The following MLIP variants were observed in gnomAD, a reference collection of about 807,000 sequenced individuals.
MLIP encodes the protein muscular LMNA interacting protein, also known as muscular LMNA-interacting protein.
In MLIP, 79 loss-of-function variants were observed where a neutral mutation model predicts 84.8. The observed-to-expected ratio is 0.93, with a 90% CI of 0.78 to 1.12. The LOEUF (loss-of-function observed/expected upper bound fraction) is 1.12. MLIP is among the 50% of genes most tolerant of loss of function. The pLI, the probability that MLIP is intolerant of heterozygous loss-of-function variation, is 0.00. For synonymous variants in MLIP, 504 were observed against 463.0 expected (o/e 1.09, Z -1.14); for missense variants, 1,257 against 1,160.6 (o/e 1.08, Z -1.21).
chr6:54,078,691 C>CTTTTT (rs70980890), intron 1 of MLIP, among the ~76,000 whole-genome samples: 101 of 133,280 alleles, frequency 7.6e-4, no homozygotes, highest in Non-Finnish European at 9.8e-4. Flanking sequence ...TTCTTTCTTT[C>CTTTTT]TTTTTTTTTT....
At chr6:54,198,792 C>T (rs1178761156) in intron 10 of MLIP, among the ~76,000 whole-genome samples, 1 of 151,994 alleles carries the variant, frequency 6.6e-6, no homozygotes, top group Admixed American at 6.6e-5. Context: ...AAATTTTTAA[C>T]CAAATCCAGA....
chr6:54,236,225 G>T (rs778034233), intron 12 of MLIP, among the ~76,000 whole-genome samples: 2 of 151,498 alleles, frequency 1.3e-5, no homozygotes, highest in Non-Finnish European at 3.0e-5. Context: ...ACAGAACAGG[G>T]AGAAATTCGA....
At chr6:54,119,172 A>G (rs1770218540) in intron 1 of MLIP, among the ~76,000 whole-genome samples, 1 of 152,266 alleles carries the variant, frequency 6.6e-6, no homozygotes, top group African/African-American at 2.4e-5. Context: ...CATATGATCT[A>G]GCAATCCCAT....
intron 5 of MLIP, among the ~76,000 whole-genome samples, chr6:54,156,381 C>A (rs1407234): frequency 0.31 from 46,536 of 151,928 alleles, 7,511 homozygotes; most frequent in African/African-American, 0.39. Flanking sequence ...TTCCAAGGGA[C>A]CTGAGTAGAT....
chr6:54,223,731 A>G (rs1485012736), intron 11 of MLIP, among the ~76,000 whole-genome samples: 1 of 152,042 alleles, frequency 6.6e-6, no homozygotes, highest in African/African-American at 2.4e-5. Context: ...TCTGGCTTGC[A>G]TACGACTTCT....
chr6:54,235,115 A>G (rs923249261), intron 12 of MLIP, among the ~76,000 whole-genome samples: 2 of 152,002 alleles, frequency 1.3e-5, no homozygotes, highest in African/African-American at 4.8e-5. Flanking sequence ...CAAACTCAAA[A>G]CTTGATTCAT....
At chr6:54,251,548 T>C (rs1438354357) in intron 12 of MLIP, among the ~76,000 whole-genome samples, 8 of 109,488 alleles carry the variant, frequency 7.3e-5, no homozygotes, top group Non-Finnish European at 8.3e-5. Flanking sequence ...ATATATAGTA[T>C]ATATAGTAAT....
At chr6:54,194,374 A>G (rs1254464888) in intron 10 of MLIP, among the ~76,000 whole-genome samples, 1 of 152,150 alleles carries the variant, frequency 6.6e-6, no homozygotes, top group Non-Finnish European at 1.5e-5. Context: ...TTTATCAGGT[A>G]CGCCTCCTCA....
At chr6:54,126,188 A>G (rs143406199) in intron 3 of MLIP, among the ~76,000 whole-genome samples, 7 of 152,168 alleles carry the variant, frequency 4.6e-5, no homozygotes, top group South Asian at 2.1e-4. Flanking sequence ...GGAAATTTCC[A>G]TTGTTAGGGG....
intron 1 of MLIP, among the ~76,000 whole-genome samples, chr6:54,103,167 AT>A (rs1768776157): frequency 6.6e-6 from 1 of 152,240 alleles, no homozygotes; most frequent in South Asian, 2.1e-4. Flanking sequence ...AGATAACACA[AT>A]AAGCCCCTCA....
At chr6:54,109,123 C>T (rs1769232336), upstream of MLIP, among the ~76,000 whole-genome samples, 4 of 150,342 alleles carry the variant, frequency 2.7e-5, no homozygotes, top group Non-Finnish European at 4.4e-5. Flanking sequence ...TATTTACATA[C>T]ATATATATTC....
At chr6:54,167,428 G>A (rs1277586222) in intron 8 of MLIP, among the ~76,000 whole-genome samples, 1 of 151,748 alleles carries the variant, frequency 6.6e-6, no homozygotes, top group Non-Finnish European at 1.5e-5. Context: ...TTATATCAGT[G>A]ATCATTTTAT....
At chr6:54,220,708 A>G (rs1427036173) in intron 11 of MLIP, among the ~76,000 whole-genome samples, 1 of 152,206 alleles carries the variant, frequency 6.6e-6, no homozygotes, top group Non-Finnish European at 1.5e-5. Context: ...GACATTTGAA[A>G]TATATGAAAT....
chr6:54,254,946 G>A (rs529559038), intron 12 of MLIP, among the ~76,000 whole-genome samples: 3 of 151,994 alleles, frequency 2.0e-5, no homozygotes, highest in Admixed American at 1.3e-4. Context: ...GTACTTGAAC[G>A]ACTTCTCACT....
chr6:54,100,387 A>T (rs1296258624), intron 1 of MLIP, among the ~76,000 whole-genome samples: 1 of 152,060 alleles, frequency 6.6e-6, no homozygotes, highest in Non-Finnish European at 1.5e-5. Context: ...TTATTTTAGT[A>T]ACTTGAAATT....
intron 11 of MLIP, among the ~76,000 whole-genome samples, chr6:54,213,897 AT>A (rs1779669189): frequency 6.6e-6 from 1 of 152,120 alleles, no homozygotes; most frequent in Non-Finnish European, 1.5e-5. Context: ...TTACACCAAA[AT>A]AATAAAACCA....
chr6:54,191,878 A>G (rs1777951999), intron 10 of MLIP, among the ~76,000 whole-genome samples: 1 of 151,978 alleles, frequency 6.6e-6, no homozygotes, highest in African/African-American at 2.4e-5. Flanking sequence ...TATAGTATAT[A>G]AAATATAGAT....
At chr6:54,049,467 A>T (rs1288859901) in intron 1 of MLIP, among the ~76,000 whole-genome samples, 3 of 152,190 alleles carry the variant, frequency 2.0e-5, no homozygotes, top group Non-Finnish European at 4.4e-5. Flanking sequence ...CACAAATGCT[A>T]GATTGATGCT....
intron 1 of MLIP, among the ~76,000 whole-genome samples, chr6:54,090,337 G>T (rs1386487867): frequency 6.6e-6 from 1 of 152,046 alleles, no homozygotes; most frequent in Non-Finnish European, 1.5e-5. Flanking sequence ...ATGCACAATA[G>T]TTAAGTGGAA....
Sources: gnomAD v4.1 joint callset for allele counts (sites outside exome capture counted in the v4.1 genomes callset) on GRCh38, gnomAD v4.1.1 for gene constraint, MANE v1.5 for transcripts, NCBI Gene and HGNC (gene_info 2026-07-23, HGNC 2026-07-21) for gene names.